The following NRN1L variants were observed in gnomAD, a reference collection of about 807,000 sequenced individuals.
NRN1L encodes the protein neuritin-like protein.
NRN1L carries 12 observed loss-of-function variants against 8.8 expected under a neutral mutation model. The ratio of observed to expected loss-of-function variants is 1.36; its 90% CI spans 0.87 to 2.20. The LOEUF (loss-of-function observed/expected upper bound fraction) is 2.20, where lower values mean the gene tolerates loss of function less well. NRN1L is among the 30% of genes most tolerant of loss of function. NRN1L has a pLI of 0.00. For missense variants in NRN1L, 266 were observed against 232.4 expected (o/e 1.14, Z -0.94); for synonymous variants, 114 against 99.2 (o/e 1.15, Z -0.88).
At chr16:67,887,517 C>T (rs1009370797), downstream of NRN1L, among the ~76,000 whole-genome samples, 5 of 151,760 alleles carry the variant, frequency 3.3e-5, no homozygotes, top group Non-Finnish European at 7.4e-5. Context: ...TGATCTGACC[C>T]CCGCGGCCTT....
chr16:67,886,181 T>C lies in NRN1L; in HGVS notation c.420T>C (p.Pro140=), dbSNP rs1205775843. Reference sequence around the variant, plus strand: ...AGGAGACGCTGCGGGCTACAGCGCCTGCACTCCCCATGGCCCCTGCGCCCC... The same window carrying C: ...AGGAGACGCTGCGGGCTACAGCGCCCGCACTCCCCATGGCCCCTGCGCCCC... ...TNQETLRATA[P]ALPMAPAPPL... is the part of the protein sequence containing the mutation. Residue 140 remains proline, a synonymous_variant, in exon 3 of 3, where the codon CCT becomes CCC. Coordinates refer to ENST00000339176, the MANE Select transcript of NRN1L (RefSeq NM_198443.2). 3 of 1,605,350 alleles carry C rather than the reference T, an allele frequency of 1.9e-6. No homozygotes were observed. Among genetic ancestry groups the C allele is most frequent in the Non-Finnish European group, 2.5e-6 (3 of 1,179,474 alleles).
intron 2 of NRN1L, 38 bp from the exon 3 acceptor site, chr16:67,885,936 T>A: frequency 6.2e-7 from 1 of 1,602,752 alleles, no homozygotes; most frequent in Non-Finnish European, 8.5e-7. Flanking sequence ...AAAGTCTCCT[T>A]GCCTCACCTA....
Position 67,885,860 on chromosome 16 carries a change from G to A in NRN1L, c.212+6G>A, listed in dbSNP as rs372327387. ...GAGCTGGAGACCATCTGCAGGTACCGGCGGGTGTGAGGCAGTGGCCCAACC... is the reference window on the plus strand; with the variant it reads ...GAGCTGGAGACCATCTGCAGGTACCAGCGGGTGTGAGGCAGTGGCCCAACC... On this transcript the variant is annotated splice_donor_region_variant and intron_variant, in intron 2 of 2. Coordinates refer to ENST00000339176, the MANE Select transcript of NRN1L (RefSeq NM_198443.2). The A allele has an allele frequency of 2.0e-5, 31 of 1,571,010 alleles. No individual in the cohort carries two copies. The highest frequency in any genetic ancestry group is 9.5e-5 in the African/African-American group (7 of 73,936).
rs963849558 is a variant in NRN1L at position 67,886,134 on chromosome 16, G to C, written c.373G>C (p.Gly125Arg). Reference sequence around the variant, plus strand: ...TGCCCCGGTGCATGTTCGGGAGCGCGGCACAGGCTCCGAAACCAACCAGGA... The same window carrying C: ...TGCCCCGGTGCATGTTCGGGAGCGCCGCACAGGCTCCGAAACCAACCAGGA... ...CGAPVHVRER[G>R]TGSETNQETL... is the part of the protein sequence containing the mutation. The change falls in exon 3 of 3, where the codon GGC (glycine) becomes CGC (arginine). Residue 125 changes from glycine (G) to arginine (R), a missense_variant. By Grantham distance (125) the Gly-to-Arg change is moderately radical. Transcript: ENST00000339176. 5 of 1,611,896 alleles carry C rather than the reference G, an allele frequency of 3.1e-6. No homozygotes were observed. Among genetic ancestry groups the C allele is most frequent in the Non-Finnish European group, 4.2e-6 (5 of 1,179,686 alleles).
At position 67,885,142 on chromosome 16, in the gene NRN1L, C is replaced by T; in HGVS notation, c.79+160C>T. On this transcript the variant is annotated intron_variant, in intron 1 of 2. Transcript: ENST00000339176. ...ACTTCAGGACAGAAAGTGAGAGGCA[C>T]AAACAGCCCCAGTTATGGGAGAAGG... 4.8e-6 allele frequency: 3 copies of T among 628,492 alleles called. No individual in the cohort carries two copies. In the South Asian group the frequency reaches 5.7e-5, roughly 12 times the overall value. 38.9% of individuals were successfully genotyped at this position (628,492 alleles called of 1,614,324 possible). A position where few individuals can be genotyped will look rare whatever the true frequency, so the allele number is the denominator to read the frequency against.
intron 2 of NRN1L, 34 bp downstream of exon 2, chr16:67,885,888 T>A: frequency 6.4e-7 from 1 of 1,572,768 alleles, no homozygotes; most frequent in Non-Finnish European, 8.6e-7. Flanking sequence ...GCCCAACCTG[T>A]GCCACCATTG....
rs759962697 is a variant in NRN1L, at chr16:67,884,915, C to T, written c.12C>T (p.Cys4=). MMR[C]CRRRCCCRQP... is the part of the protein sequence containing the mutation. ...GCTCTCAGCCAGGGATGATGCGCTG[C>T]TGCCGCCGCCGCTGCTGCTGCCGGC... Residue 4 remains cysteine (C), a synonymous_variant, in exon 1 of 3, where the codon TGC becomes TGT. Coordinates refer to ENST00000339176, the MANE Select transcript of NRN1L (RefSeq NM_198443.2). This position sits in a 1 kb window ranked among gnomAD's most constrained non-coding sequence, Gnocchi z 4.1. The T allele has an allele frequency of 1.3e-5, 21 of 1,605,236 alleles. No individual in the cohort carries two copies. The highest frequency in any genetic ancestry group is 1.8e-5 in the Non-Finnish European group (21 of 1,179,678).
At position 67,884,993 on chromosome 16, in the gene NRN1L, G is replaced by A; in HGVS notation, c.79+11G>A. The stretch of plus-strand genomic sequence containing the variant: ...TGTTGCTGCCCCTCGGTGAGTGCGG[G>A]CATCCGGGGCCCGGGCCACACCCCC... On this transcript the variant is annotated intron_variant, in intron 1 of 2. Transcript: ENST00000339176. The surrounding 1 kb of genome is among the most constrained non-coding windows in gnomAD (Gnocchi z 4.1). 1.9e-6 allele frequency: 3 copies of A among 1,603,874 alleles called. No individual in the cohort carries two copies. The highest frequency in any genetic ancestry group is 2.2e-5 in the South Asian group (2 of 90,916).
downstream of NRN1L, among the ~76,000 whole-genome samples, chr16:67,888,023 C>T (rs148159183): frequency 6.1e-3 from 925 of 152,326 alleles, 2 homozygotes; most frequent in South Asian, 0.025. Context: ...CCTGGATTCC[C>T]TTCTGCCTCA....
chr16:67,885,712 C>CCCCCG lies in NRN1L; in HGVS notation c.80-9_80-8insCCCGC. 3 of 1,510,458 alleles carry CCCCCG rather than the reference C, an allele frequency of 2.0e-6. No individual in the cohort carries two copies. Among genetic ancestry groups the CCCCCG allele is most frequent in the Non-Finnish European group, 2.7e-6 (3 of 1,105,306 alleles). The allele number at this position is 1,510,458 out of a possible 1,614,324, so 93.6% of individuals were successfully genotyped here. A position where few individuals can be genotyped will look rare whatever the true frequency, so the allele number is the denominator to read the frequency against. On this transcript the variant is annotated splice_polypyrimidine_tract_variant and intron_variant, in intron 1 of 2. Coordinates refer to ENST00000339176, the MANE Select transcript of NRN1L (RefSeq NM_198443.2). The stretch of plus-strand genomic sequence containing the variant: ...ATTCCTTCCCCACCCCACCCCCGCC[C>CCCCCG]CACTTCTAGTCCTTTTACCTCCCCT...
chr16:67,885,859 C>A lies in NRN1L; in HGVS notation c.212+5C>A. The A allele has an allele frequency of 6.4e-7, 1 of 1,570,694 alleles. No homozygotes were observed. Among genetic ancestry groups the A allele is most frequent in the Non-Finnish European group, 8.6e-7 (1 of 1,158,238 alleles). ...CGAGCTGGAGACCATCTGCAGGTAC[C>A]GGCGGGTGTGAGGCAGTGGCCCAAC... is the stretch of plus-strand genomic sequence containing the variant. On this transcript the variant is annotated splice_donor_5th_base_variant and intron_variant, in intron 2 of 2. Coordinates refer to ENST00000339176, the MANE Select transcript of NRN1L (RefSeq NM_198443.2).
At chr16:67,887,476 G>T (rs2058100074), downstream of NRN1L, among the ~76,000 whole-genome samples, 1 of 151,464 alleles carries the variant, frequency 6.6e-6, no homozygotes, top group Non-Finnish European at 1.5e-5. Context: ...TGCCATGTTG[G>T]CCAGGCTGGT....
At chr16:67,885,903 C>T in intron 2 of NRN1L, 49 bp downstream of exon 2, 1 of 1,579,896 alleles carries the variant, frequency 6.3e-7, no homozygotes, top group Non-Finnish European at 8.6e-7. Flanking sequence ...CCATTGGGGA[C>T]TGAACCTTTT....
intron 1 of NRN1L, 116 bp from the exon 2 acceptor site, chr16:67,885,606 C>T (rs1450047251): frequency 2.4e-5 from 19 of 781,030 alleles, no homozygotes; most frequent in South Asian, 1.7e-4. Context: ...ACCCTTTTTC[C>T]GCTGAGTCAC....
At position 67,885,796 on chromosome 16, in the gene NRN1L, T is replaced by C; in HGVS notation, c.154T>C (p.Cys52Arg). 6.3e-7 allele frequency: 1 copy of C among 1,593,056 alleles called. No homozygotes were observed. The highest frequency in any genetic ancestry group is 1.1e-5 in the South Asian group (1 of 87,694). ...CDTIYQGFAECLIRLGDSMGR... is the reference protein window; with the variant it reads ...CDTIYQGFAERLIRLGDSMGR... ...CACCATATACCAGGGCTTCGCCGAG[T>C]GTCTCATCCGCTTGGGGGACAGCAT... The change falls in exon 2 of 3, where the codon TGT becomes CGT. Residue 52 changes from cysteine (C) to arginine (R), a missense_variant. By Grantham distance (180) the Cys-to-Arg change is radical. Coordinates refer to ENST00000339176, the MANE Select transcript of NRN1L (RefSeq NM_198443.2).
downstream of NRN1L, among the ~76,000 whole-genome samples, chr16:67,887,190 A>G (rs188522927): frequency 6.6e-6 from 1 of 151,828 alleles, no homozygotes; most frequent in African/African-American, 2.4e-5. Context: ...TTCTCCCACC[A>G]CCGCCAGGAT....
chr16:67,886,171 C>G lies in NRN1L; in HGVS notation c.410C>G (p.Ala137Gly). 6.2e-7 allele frequency: 1 copy of G among 1,606,408 alleles called. No homozygotes were observed. Among genetic ancestry groups the G allele is most frequent in the Non-Finnish European group, 8.5e-7 (1 of 1,179,454 alleles). ...GAAACCAACCAGGAGACGCTGCGGG[C>G]TACAGCGCCTGCACTCCCCATGGCC... is the stretch of plus-strand genomic sequence containing the variant. Reference protein sequence around the residue: ...GSETNQETLRATAPALPMAPA... With the variant: ...GSETNQETLRGTAPALPMAPA... The change falls in exon 3 of 3, where the codon GCT (alanine) becomes GGT (glycine). Residue 137 changes from alanine (A) to glycine (G), a missense_variant. Coordinates refer to ENST00000339176, the MANE Select transcript of NRN1L (RefSeq NM_198443.2).
At chr16:67,886,370 T>G (rs533338760), downstream of NRN1L, 5 of 996,412 alleles carry the variant, frequency 5.0e-6, no homozygotes, top group South Asian at 8.7e-5. Flanking sequence ...ATATTTGTAG[T>G]AAGCTCCTTC....
rs774883844 is a variant in NRN1L, at chr16:67,885,764, G to A, written c.122G>A (p.Arg41Gln). ...PLAAAAAGPN[R>Q]CDTIYQGFAE... The stretch of plus-strand genomic sequence containing the variant: ...GCAGCAGCTGCAGCGGGCCCAAACC[G>A]ATGTGACACCATATACCAGGGCTTC... Residue 41 changes from arginine to glutamine, a missense_variant, in exon 2 of 3, where the codon CGA becomes CAA. Arg to Gln is a conservative substitution (Grantham distance 43). Coordinates refer to ENST00000339176, the MANE Select transcript of NRN1L (RefSeq NM_198443.2). 5.9e-6 allele frequency: 8 copies of A among 1,365,720 alleles called. No individual in the cohort carries two copies. Among genetic ancestry groups the A allele is most frequent in the East Asian group, 4.6e-5 (1 of 21,708 alleles). The allele number at this position is 1,365,720 out of a possible 1,614,324, so 84.6% of individuals were successfully genotyped here. A position where few individuals can be genotyped will look rare whatever the true frequency, so the allele number is the denominator to read the frequency against.
Sources: gnomAD v4.1 joint callset for allele counts (sites outside exome capture counted in the v4.1 genomes callset) on GRCh38, gnomAD v4.1.1 for gene constraint, Gnocchi (gnomAD v3.1) non-coding constraint, MANE v1.5 for transcripts, NCBI Gene and HGNC (gene_info 2026-07-23, HGNC 2026-07-21) for gene names.